Variants in GDA observed in about 807,000 individuals in gnomAD.
GDA encodes the protein guanine deaminase, also known as cytoplasmic PSD-95 interactor.
In GDA, 18 loss-of-function variants were observed where a neutral mutation model predicts 59.6. The ratio of observed to expected loss-of-function variants is 0.30; its 90% CI spans 0.21 to 0.45. GDA has a LOEUF of 0.45. GDA is among the 20% of genes least tolerant of loss of function. The probability of loss-of-function intolerance (pLI) is 1.00; values close to 1 mark genes in which losing one functional copy is unlikely to be tolerated. For synonymous variants in GDA, 201 were observed against 201.1 expected (o/e 1.00, Z 0.00); for missense variants, 427 against 552.3 (o/e 0.77, Z 2.27).
intron 1 of GDA, among the ~76,000 whole-genome samples, chr9:72,190,381 C>T (rs1832385534): frequency 6.6e-6 from 1 of 152,204 alleles, no homozygotes; most frequent in Non-Finnish European, 1.5e-5. Flanking sequence ...CTCGCCTTGG[C>T]CTCCCAAAGT....
intron 1 of GDA, among the ~76,000 whole-genome samples, chr9:72,151,765 C>T (rs1007830217): frequency 1.3e-5 from 2 of 151,798 alleles, no homozygotes; most frequent in East Asian, 3.9e-4. Context: ...CACCACGCCC[C>T]ACTGATTTTT....
downstream of GDA, among the ~76,000 whole-genome samples, chr9:72,255,893 A>AT (rs1840872159): frequency 6.6e-6 from 1 of 152,220 alleles, no homozygotes; most frequent in South Asian, 2.1e-4. Context: ...GGGGAAACTC[A>AT]TGATGAGACT....
chr9:72,136,743 A>T (rs1010504256), intron 1 of GDA, among the ~76,000 whole-genome samples: 1 of 152,282 alleles, frequency 6.6e-6, no homozygotes, highest in South Asian at 2.1e-4. Flanking sequence ...TGGTAGGCCG[A>T]GGTGGGCGGA....
At chr9:72,212,567 A>G (rs1266854302) in intron 4 of GDA, among the ~76,000 whole-genome samples, 1 of 152,124 alleles carries the variant, frequency 6.6e-6, no homozygotes, top group Non-Finnish European at 1.5e-5. Flanking sequence ...TATTCCTCAC[A>G]ACCCTACACA....
chr9:72,166,663 TAAAG>T (rs1228684901), intron 1 of GDA, among the ~76,000 whole-genome samples: 1 of 152,236 alleles, frequency 6.6e-6, no homozygotes, highest in African/African-American at 2.4e-5. Flanking sequence ...TATTTATAAG[TAAAG>T]AAACTTAAAA....
chr9:72,250,691 C>T lies in GDA; in HGVS notation c.*2349C>T. 6.2e-7 allele frequency: 1 copy of T among 1,610,746 alleles called. No homozygotes were observed. Among genetic ancestry groups the T allele is most frequent in the Non-Finnish European group, 8.5e-7 (1 of 1,178,948 alleles). On this transcript the variant is annotated 3_prime_UTR_variant, in exon 14 of 14. Coordinates refer to ENST00000358399, the MANE Select transcript of GDA (RefSeq NM_004293.5). ...GTTGACTTTCTGAATTGTGGAGAGG[C>T]ACTTTTCCAAGCCAATCTTATTTGT...
chr9:72,172,506 G>T (rs936091935), intron 1 of GDA, among the ~76,000 whole-genome samples: 2 of 152,150 alleles, frequency 1.3e-5, no homozygotes, highest in Non-Finnish European at 2.9e-5. Context: ...TCTTGGGCCT[G>T]CACACTTTGG....
At chr9:72,188,758 G>T (rs1278489657) in intron 1 of GDA, among the ~76,000 whole-genome samples, 1 of 152,168 alleles carries the variant, frequency 6.6e-6, no homozygotes, top group Non-Finnish European at 1.5e-5. Flanking sequence ...CTGGCACTGA[G>T]ACTCCAGGAT....
chr9:72,222,576 C>T (rs1454636428), intron 6 of GDA, among the ~76,000 whole-genome samples: 3 of 152,182 alleles, frequency 2.0e-5, no homozygotes, highest in Non-Finnish European at 2.9e-5. Context: ...AATTACATCC[C>T]ATTTATCAAT....
chr9:72,177,157 G>A (rs1830643791), intron 1 of GDA, among the ~76,000 whole-genome samples: 1 of 145,930 alleles, frequency 6.9e-6, no homozygotes, highest in Non-Finnish European at 1.5e-5. Flanking sequence ...GGAGTGCAGT[G>A]GCACGATTGT....
downstream of GDA, among the ~76,000 whole-genome samples, chr9:72,256,356 C>T (rs1362136101): frequency 6.6e-6 from 1 of 152,140 alleles, no homozygotes; most frequent in African/African-American, 2.4e-5. Flanking sequence ...TAACATTCAT[C>T]TCTTTGAAGA....
intron 1 of GDA, among the ~76,000 whole-genome samples, chr9:72,172,922 A>G (rs775945648): frequency 6.6e-6 from 1 of 152,208 alleles, no homozygotes; most frequent in African/African-American, 2.4e-5. Flanking sequence ...ATACCAAGAT[A>G]CAAGAACATA....
At chr9:72,161,171 G>A (rs1337748431) in intron 1 of GDA, among the ~76,000 whole-genome samples, 1 of 151,750 alleles carries the variant, frequency 6.6e-6, no homozygotes, top group Non-Finnish European at 1.5e-5. Context: ...GCCTCCCAAA[G>A]TGCTGGGATT....
intron 1 of GDA, among the ~76,000 whole-genome samples, chr9:72,144,074 T>G (rs1826537362): frequency 6.6e-6 from 1 of 151,978 alleles, no homozygotes; most frequent in African/African-American, 2.4e-5. Flanking sequence ...ACACAAACAT[T>G]ACCCGGGTAT....
intron 10 of GDA, among the ~76,000 whole-genome samples, chr9:72,236,960 A>G (rs1480286566): frequency 2.0e-5 from 3 of 151,946 alleles, no homozygotes; most frequent in Non-Finnish European, 4.4e-5. Flanking sequence ...TTGTATTTTT[A>G]GTAGAGACAG....
chr9:72,202,645 AC>A lies in GDA; in HGVS notation c.289del (p.Leu97CysfsTer7). 1 of 1,607,314 alleles carries A rather than the reference AC, an allele frequency of 6.2e-7. No individual in the cohort carries two copies. The highest frequency in any genetic ancestry group is 8.5e-7 in the Non-Finnish European group (1 of 1,175,750). On this transcript the variant is annotated frameshift_variant, in exon 3 of 14. Coordinates refer to ENST00000358399, the MANE Select transcript of GDA (RefSeq NM_004293.5). LOFTEE classifies it high-confidence loss of function. The stretch of plus-strand genomic sequence containing the variant: ...TATTCCTTTGCTGGAAGTAGCATAG[AC>A]CTGCCACTCTTGGAGTGGCTGACCA... ...SQYSFAGSSI[D>X]LPLLEWLTKY...
At position 72,241,338 on chromosome 9, in the gene GDA, C is replaced by G. The variant is rs1351371859; in HGVS notation, c.1135+40C>G. On this transcript the variant is annotated intron_variant, in intron 11 of 13. Transcript: ENST00000358399. Reference sequence around the variant, plus strand: ...ATTTTTCTCTCACACAATATACAACCATGCTGATCGGTGTCTTTGGATGTA... The same window carrying G: ...ATTTTTCTCTCACACAATATACAACGATGCTGATCGGTGTCTTTGGATGTA... The G allele has an allele frequency of 6.2e-6, 9 of 1,463,146 alleles. 1 individual carries two copies. The allele number at this position is 1,463,146 out of a possible 1,614,324, so 90.6% of individuals were successfully genotyped here. A position where few individuals can be genotyped will look rare whatever the true frequency, so the allele number is the denominator to read the frequency against.
At chr9:72,201,541 T>G (rs890699155) in intron 2 of GDA, among the ~76,000 whole-genome samples, 2 of 152,206 alleles carry the variant, frequency 1.3e-5, no homozygotes, top group South Asian at 4.1e-4. Context: ...ATGGCTTTAT[T>G]TGGCTTACAG....
At chr9:72,207,551 G>A (rs543883221) in intron 3 of GDA, among the ~76,000 whole-genome samples, 2 of 152,196 alleles carry the variant, frequency 1.3e-5, no homozygotes, top group South Asian at 4.1e-4. Context: ...TATTTACTGA[G>A]CACATCCTAG....
Sources: gnomAD v4.1 joint callset for allele counts (sites outside exome capture counted in the v4.1 genomes callset) on GRCh38, gnomAD v4.1.1 for gene constraint, MANE v1.5 for transcripts, NCBI Gene and HGNC (gene_info 2026-07-23, HGNC 2026-07-21) for gene names.